The following ZBTB20 variants were observed in gnomAD, a reference collection of about 807,000 sequenced individuals.
ZBTB20 encodes the protein zinc finger and BTB domain-containing protein 20.
A neutral mutation model predicts 56.9 loss-of-function variants in ZBTB20; 9 were observed. The observed-to-expected ratio is 0.16, with a 90% CI of 0.10 to 0.28. The LOEUF is 0.28. ZBTB20 is among the 10% of genes least tolerant of loss of function. ZBTB20 has a pLI of 1.00. For synonymous variants in ZBTB20, 417 were observed against 420.7 expected (o/e 0.99, Z 0.11); for missense variants, 655 against 1,003.0 (o/e 0.65, Z 4.69).
chr3:114,943,454 GAT>G (rs1286482181), intron 3 of ZBTB20, among the ~76,000 whole-genome samples: 1 of 145,504 alleles, frequency 6.9e-6, no homozygotes. Context: ...AGAATTATCA[GAT>G]ATAGTCTTTT....
rs72960372 is a variant in ZBTB20, at chr3:114,994,645, T to A, written c.-506-20229A>T. ...CTTATATAGCCATCTTTAAGTTTAT[T>A]ATTATTGGGATGTGTGTGCCTGTCA... is the stretch of plus-strand genomic sequence containing the variant. On this transcript the variant is annotated intron_variant, in intron 2 of 11. Coordinates refer to ENST00000675478, the MANE Select transcript of ZBTB20 (RefSeq NM_001348800.3). Among the ~76,000 whole-genome samples, 864 of 152,060 alleles carry A rather than the reference T, an allele frequency of 5.7e-3. 12 individuals are homozygous for A. The highest frequency in any genetic ancestry group is 0.019 in the African/African-American group (795 of 41,532).
chr3:114,421,204 C>A (rs936423234), intron 7 of ZBTB20, among the ~76,000 whole-genome samples: 2 of 152,056 alleles, frequency 1.3e-5, no homozygotes, highest in African/African-American at 4.8e-5. Context: ...TGCATGTTCA[C>A]CAAATGGTAA....
At chr3:114,913,895 C>T (rs189395210) in intron 3 of ZBTB20, among the ~76,000 whole-genome samples, 16 of 151,756 alleles carry the variant, frequency 1.1e-4, no homozygotes, top group Admixed American at 3.9e-4. Context: ...TCACTGTAAA[C>T]GTATGAATTT....
intron 4 of ZBTB20, among the ~76,000 whole-genome samples, chr3:114,854,654 T>C (rs1407618911): frequency 6.6e-6 from 1 of 152,336 alleles, no homozygotes; most frequent in African/African-American, 2.4e-5. Flanking sequence ...CCTGAATCTG[T>C]TTCCTTATCC....
At chr3:114,651,498 A>G (rs2060125188) in intron 6 of ZBTB20, among the ~76,000 whole-genome samples, 1 of 150,946 alleles carries the variant, frequency 6.6e-6, no homozygotes, top group Non-Finnish European at 1.5e-5. Context: ...GGCTTTGACA[A>G]TTTAAAAGTA....
chr3:115,119,182 C>T (rs999560926), intron 1 of ZBTB20, among the ~76,000 whole-genome samples: 1 of 152,102 alleles, frequency 6.6e-6, no homozygotes, highest in African/African-American at 2.4e-5. Context: ...TGATCCTTTA[C>T]CTTCTCTTGA....
chr3:114,967,161 T>C (rs930630144), intron 3 of ZBTB20, among the ~76,000 whole-genome samples: 5 of 152,186 alleles, frequency 3.3e-5, no homozygotes, highest in Non-Finnish European at 7.4e-5. Flanking sequence ...TTAGATTTAA[T>C]TTTGTGAATT....
chr3:114,663,662 C>T (rs1453108974), intron 6 of ZBTB20, among the ~76,000 whole-genome samples: 1 of 151,176 alleles, frequency 6.6e-6, no homozygotes, highest in African/African-American at 2.4e-5. Flanking sequence ...TGCAGAGACA[C>T]ACATAGGCTC....
At chr3:114,456,217 A>ATG (rs201419132) in intron 7 of ZBTB20, among the ~76,000 whole-genome samples, 22,191 of 151,120 alleles carry the variant, frequency 0.15, 2,657 homozygotes, top group African/African-American at 0.32. Context: ...ATATATGGAG[A>ATG]GAGAGAGAGA....
intron 3 of ZBTB20, among the ~76,000 whole-genome samples, chr3:114,970,845 G>C (rs1256710283): frequency 1.3e-5 from 2 of 151,928 alleles, no homozygotes; most frequent in Non-Finnish European, 2.9e-5. Flanking sequence ...GAAACCTCGT[G>C]TCTACTAAAA....
intron 6 of ZBTB20, among the ~76,000 whole-genome samples, chr3:114,503,618 C>T (rs186222714): frequency 2.6e-3 from 398 of 152,116 alleles, no homozygotes; most frequent in Non-Finnish European, 4.4e-3. Context: ...AAAACATTTG[C>T]ATTAAGCACA....
rs71146335 is a variant in ZBTB20 at position 114,753,429 on chromosome 3, A to ACACACG, written c.-343+47671_-343+47672insCGTGTG. Among the ~76,000 whole-genome samples, 95 of 143,858 alleles carry ACACACG rather than the reference A, an allele frequency of 6.6e-4. 10 individuals carry two copies. The highest frequency in any genetic ancestry group is 7.9e-4 in the Non-Finnish European group (53 of 66,720). 94.4% of individuals were successfully genotyped at this position (143,858 alleles called of 152,430 possible). On this transcript the variant is annotated intron_variant, in intron 5 of 11. Coordinates refer to ENST00000675478, the MANE Select transcript of ZBTB20 (RefSeq NM_001348800.3). ...TACACACACGTATATATATATATAT[A>ACACACG]TATACACACACACTTTTTTTTTTGA...
At chr3:114,409,536 C>T (rs534613587) in intron 7 of ZBTB20, among the ~76,000 whole-genome samples, 1 of 151,868 alleles carries the variant, frequency 6.6e-6, no homozygotes, top group African/African-American at 2.4e-5. Context: ...GCGAGAGCTC[C>T]AAAAAACACT....
chr3:115,089,631 T>C (rs914174192), intron 1 of ZBTB20, among the ~76,000 whole-genome samples: 3 of 151,806 alleles, frequency 2.0e-5, no homozygotes, highest in Admixed American at 6.6e-5. Context: ...TAGGATGTAA[T>C]AGAAAGAACA....
intron 6 of ZBTB20, among the ~76,000 whole-genome samples, chr3:114,667,829 A>C (rs1342798432): frequency 6.6e-6 from 1 of 151,990 alleles, no homozygotes; most frequent in Non-Finnish European, 1.5e-5. Flanking sequence ...TCTGGGAAAA[A>C]TGTATTAATG....
chr3:114,976,443 T>A (rs1225923591), intron 2 of ZBTB20, among the ~76,000 whole-genome samples: 1 of 152,058 alleles, frequency 6.6e-6, no homozygotes, highest in Admixed American at 6.6e-5. Flanking sequence ...CTGCTCAACA[T>A]GGCGAAACCC....
chr3:114,446,318 T>A (rs1186168223), intron 7 of ZBTB20, among the ~76,000 whole-genome samples: 1 of 152,178 alleles, frequency 6.6e-6, no homozygotes, highest in Admixed American at 6.6e-5. Flanking sequence ...ATATTGATCA[T>A]TTTATCATTT....
intron 5 of ZBTB20, among the ~76,000 whole-genome samples, chr3:114,756,551 C>A (rs1396214784): frequency 3.3e-5 from 5 of 152,156 alleles, no homozygotes; most frequent in African/African-American, 9.6e-5. Context: ...ATGATACATA[C>A]ACATACATTT....
chr3:114,884,137 G>C, intron 4 of ZBTB20, among the ~76,000 whole-genome samples: 1 of 151,078 alleles, frequency 6.6e-6, no homozygotes, highest in Non-Finnish European at 1.5e-5. Flanking sequence ...GTTTTAGCCG[G>C]GATGGTGTCG....
Sources: gnomAD v4.1 joint callset for allele counts (sites outside exome capture counted in the v4.1 genomes callset) on GRCh38, gnomAD v4.1.1 for gene constraint, MANE v1.5 for transcripts, NCBI Gene and HGNC (gene_info 2026-07-23, HGNC 2026-07-21) for gene names.